SLC44A5: variants seen among roughly 807,000 people sequenced by gnomAD.
SLC44A5 encodes solute carrier family 44 member 5.
SLC44A5 carries 57 observed loss-of-function variants against 101.8 expected under a neutral mutation model. That is an observed-to-expected ratio of 0.56 (90% confidence interval 0.45 to 0.70). SLC44A5 has a LOEUF of 0.70. Among genes scored for constraint, SLC44A5 ranks in the 30% least tolerant of loss-of-function variants. The pLI is 0.00. For synonymous variants in SLC44A5, 281 were observed against 290.9 expected (o/e 0.97, Z 0.35); for missense variants, 737 against 853.1 (o/e 0.86, Z 1.70).
chr1:75,712,750 C>T, the SLC44A5 span, among the ~76,000 whole-genome samples: 1 of 137,486 alleles, frequency 7.3e-6, no homozygotes, highest in Non-Finnish European at 1.6e-5. Flanking sequence ...CCAAAAAATG[C>T]TGTCGTTTAA....
In SLC44A5 at chr1:75,205,174, T is replaced by A. The variant is rs908126015; in HGVS notation, c.2048-1341A>T. The stretch of plus-strand genomic sequence containing the variant: ...TCCCTATTCATTGGCTTATTGCTAT[T>A]AATTAATCTGCCACAGAGTCAGTTT... On this transcript the variant is annotated intron_variant, in intron 23 of 23. Transcript: ENST00000370859. 67 of 152,186 alleles carry A rather than the reference T, an allele frequency of 4.4e-4. 1 individual carries two copies. 9.4% of individuals were successfully genotyped at this position (152,186 alleles called of 1,614,324 possible).
chr1:75,582,104 G>T, intron 1 of SLC44A5: 1 of 728,752 alleles, frequency 1.4e-6, no homozygotes, highest in Non-Finnish European at 2.5e-6. Context: ...ACATGGCCAA[G>T]TCCAAGAACC....
intron 2 of SLC44A5, among the ~76,000 whole-genome samples, chr1:75,434,969 C>T (rs939179365): frequency 1.3e-5 from 2 of 152,114 alleles, no homozygotes; most frequent in African/African-American, 2.4e-5. Flanking sequence ...GGTATGGATA[C>T]GTGTTTCCTT....
chr1:75,354,051 G>T, intron 3 of SLC44A5: 1 of 313,464 alleles, frequency 3.2e-6, no homozygotes, highest in Non-Finnish European at 6.1e-6. Context: ...TGAATGAAAT[G>T]TTTTAGAATC....
intron 1 of SLC44A5, among the ~76,000 whole-genome samples, chr1:75,599,154 T>G (rs1193509785): frequency 1.2e-5 from 1 of 80,730 alleles, no homozygotes; most frequent in Non-Finnish European, 3.1e-5. Context: ...AAATTACACT[T>G]GACATTTTGG....
chr1:75,479,899 G>A (rs1488799712), intron 2 of SLC44A5, among the ~76,000 whole-genome samples: 1 of 152,090 alleles, frequency 6.6e-6, no homozygotes, highest in Non-Finnish European at 1.5e-5. Flanking sequence ...TAACTCATTT[G>A]AGGAGGCCAG....
chr1:75,350,244 A>T (rs1297941231), intron 3 of SLC44A5, among the ~76,000 whole-genome samples: 1 of 152,034 alleles, frequency 6.6e-6, no homozygotes. Context: ...GTGTGAGGAC[A>T]CAGCAAGGGG....
At chr1:75,229,569 A>T (rs1647369813) in intron 12 of SLC44A5, among the ~76,000 whole-genome samples, 1 of 152,120 alleles carries the variant, frequency 6.6e-6, no homozygotes, top group African/African-American at 2.4e-5. Flanking sequence ...GTTTTCTTAG[A>T]TATTTTCCCC....
chr1:75,485,596 G>C (rs931667595), intron 2 of SLC44A5, among the ~76,000 whole-genome samples: 3 of 152,070 alleles, frequency 2.0e-5, no homozygotes, highest in Admixed American at 6.6e-5. Flanking sequence ...CCTCCAAACT[G>C]TTCCAACCTC....
intron 4 of SLC44A5, among the ~76,000 whole-genome samples, chr1:75,323,734 T>G (rs1656362524): frequency 6.6e-6 from 1 of 152,240 alleles, no homozygotes; most frequent in South Asian, 2.1e-4. Context: ...TTCTGCTACC[T>G]TAGGTTTTGG....
At chr1:75,563,019 C>T (rs994397871) in intron 1 of SLC44A5, among the ~76,000 whole-genome samples, 1 of 152,086 alleles carries the variant, frequency 6.6e-6, no homozygotes, top group African/African-American at 2.4e-5. Context: ...TGTTTCTTAC[C>T]TTTTCTCTTT....
At chr1:75,559,998 C>T (rs1029665307) in intron 1 of SLC44A5, among the ~76,000 whole-genome samples, 1 of 152,206 alleles carries the variant, frequency 6.6e-6, no homozygotes, top group Middle Eastern at 3.4e-3. Context: ...CACTTTACAG[C>T]CACTGGAATG....
the SLC44A5 span, among the ~76,000 whole-genome samples, chr1:75,698,324 T>C: frequency 3.9e-5 from 6 of 152,176 alleles, no homozygotes; most frequent in African/African-American, 1.4e-4. Context: ...ACAGACTGCC[T>C]CCTCAAGTGG....
chr1:75,678,489 C>A, the SLC44A5 span, among the ~76,000 whole-genome samples: 23 of 151,454 alleles, frequency 1.5e-4, no homozygotes, highest in South Asian at 4.2e-3. Context: ...GAGGCACCCT[C>A]CAGCAGGGGC....
At chr1:75,578,640 G>T (rs1176190769) in intron 1 of SLC44A5, among the ~76,000 whole-genome samples, 1 of 152,148 alleles carries the variant, frequency 6.6e-6, no homozygotes, top group Non-Finnish European at 1.5e-5. Context: ...GGGGGCAGGT[G>T]CAGGGATGGG....
At chr1:75,667,575 A>C in the SLC44A5 span, among the ~76,000 whole-genome samples, 91,272 of 151,898 alleles carry the variant, frequency 0.6, 28,653 homozygotes, top group African/African-American at 0.71. Flanking sequence ...TTGGAAAAAA[A>C]TACTTTAAAC....
intron 23 of SLC44A5, among the ~76,000 whole-genome samples, chr1:75,206,956 A>G (rs1646760033): frequency 6.6e-6 from 1 of 152,202 alleles, no homozygotes. Context: ...ATGTATTTTG[A>G]TACTTTAAAG....
intron 4 of SLC44A5, among the ~76,000 whole-genome samples, chr1:75,303,456 G>A (rs1044778007): frequency 6.6e-6 from 1 of 152,150 alleles, no homozygotes; most frequent in Admixed American, 6.5e-5. Context: ...GGCTGGTTTC[G>A]AACTCCTGAC....
chr1:75,383,285 T>C (rs1198298432), intron 3 of SLC44A5, among the ~76,000 whole-genome samples: 1 of 130,328 alleles, frequency 7.7e-6, no homozygotes, highest in Non-Finnish European at 1.6e-5. Flanking sequence ...AAATGATGAA[T>C]AAATACTAAG....
Sources: allele counts gnomAD v4.1 joint callset (sites outside exome capture counted in the v4.1 genomes callset), GRCh38; gene constraint gnomAD v4.1.1; transcripts MANE v1.5; gene names NCBI Gene and HGNC (gene_info 2026-07-23, HGNC 2026-07-21).